The following PPP4R4 variants were observed in gnomAD, a reference collection of about 807,000 sequenced individuals.
The protein encoded by PPP4R4 is serine/threonine-protein phosphatase 4 regulatory subunit 4.
PPP4R4 carries 70 observed loss-of-function variants against 121.8 expected under a neutral mutation model. The observed-to-expected ratio is 0.57, with a 90% CI of 0.47 to 0.70. PPP4R4 has a LOEUF of 0.70. Among genes scored for constraint, PPP4R4 ranks in the 30% least tolerant of loss-of-function variants. PPP4R4 has a pLI of 0.00. For synonymous variants in PPP4R4, 348 were observed against 355.7 expected, an observed-to-expected ratio of 0.98 and a Z score of 0.24; for missense variants, 875 against 1,033.6, an observed-to-expected ratio of 0.85 and a Z score of 2.10.
At position 94,230,732 on chromosome 14, in the gene PPP4R4, C is replaced by T. The variant is rs1343543709; in HGVS notation, c.440C>T (p.Thr147Ile). The T allele has an allele frequency of 2.5e-6, 4 of 1,612,188 alleles. No homozygotes were observed. In the Admixed American group the frequency reaches 5.0e-5, roughly 20 times the overall value. Residue 147 changes from threonine (T) to isoleucine (I), a missense_variant and splice_region_variant, in exon 4 of 25, where the codon ACA (threonine) becomes ATA (isoleucine). By Grantham distance (89) the Thr-to-Ile change is moderately conservative (BLOSUM62 -1). Coordinates refer to ENST00000304338, the MANE Select transcript of PPP4R4 (RefSeq NM_058237.2). Reference sequence around the variant, plus strand: ...CTCCTGCATCTGGAGCACAGGGACACAGGTCAGGGGCCTGGCATGCTTAAT... The same window carrying T: ...CTCCTGCATCTGGAGCACAGGGACATAGGTCAGGGGCCTGGCATGCTTAAT... ...VILLHLEHRD[T>I]GVSNAWLETL...
intron 19 of PPP4R4, among the ~76,000 whole-genome samples, chr14:94,259,597 A>G (rs1893666024): frequency 6.6e-6 from 1 of 152,218 alleles, no homozygotes; most frequent in Admixed American, 6.5e-5. Flanking sequence ...ACAACTACAT[A>G]TATTTAAAGT....
At chr14:94,221,817 T>C (rs1274271751) in intron 3 of PPP4R4, among the ~76,000 whole-genome samples, 1 of 151,954 alleles carries the variant, frequency 6.6e-6, no homozygotes, top group Non-Finnish European at 1.5e-5. Flanking sequence ...TAAATATACA[T>C]CTACTATATT....
chr14:94,272,128 CCAA>C (rs1391395865), intron 23 of PPP4R4, among the ~76,000 whole-genome samples: 1 of 152,132 alleles, frequency 6.6e-6, no homozygotes, highest in Admixed American at 6.5e-5. Flanking sequence ...AGTCAAAATC[CCAA>C]CAAGTTATTT....
intron 7 of PPP4R4, 82 bp downstream of exon 7, chr14:94,234,751 T>C (rs1892237342): frequency 5.2e-6 from 5 of 968,354 alleles, no homozygotes; most frequent in Admixed American, 2.0e-5. Context: ...AAAATGATCA[T>C]AACAAGTACC....
intron 23 of PPP4R4, among the ~76,000 whole-genome samples, chr14:94,269,532 T>G (rs914564542): frequency 6.6e-6 from 1 of 151,062 alleles, no homozygotes; most frequent in Non-Finnish European, 1.5e-5. Flanking sequence ...AAAAAAAAAT[T>G]TAGTCGGGCG....
In PPP4R4 at chr14:94,244,624, C is replaced by T. The variant is rs748588910; in HGVS notation, c.1267-11C>T. 1.4e-6 allele frequency: 2 copies of T among 1,476,800 alleles called. No homozygotes were observed. The highest frequency in any genetic ancestry group is 2.1e-5 in the Admixed American group (1 of 47,554). 91.5% of individuals were successfully genotyped at this position (1,476,800 alleles called of 1,614,324 possible). A position where few individuals can be genotyped will look rare whatever the true frequency, so the allele number is the denominator to read the frequency against. The stretch of plus-strand genomic sequence containing the variant: ...CTCTCAAATCTGAGAGACTTTATTG[C>T]TATATTTTAGGTATCTAAGCTTCTG... On this transcript the variant is annotated splice_polypyrimidine_tract_variant and intron_variant, in intron 11 of 24. Coordinates refer to ENST00000304338, the MANE Select transcript of PPP4R4 (RefSeq NM_058237.2).
Position 94,263,263 on chromosome 14 carries a change from G to T in PPP4R4, c.2128-1615G>T, listed in dbSNP as rs944300467. On this transcript the variant is annotated intron_variant, in intron 19 of 24. Transcript: ENST00000304338. ...TCACCAGTTGCACATATATTAGATCGTTTATTATTGTCCGTAGGCCAAGAG... is the reference window on the plus strand; with the variant it reads ...TCACCAGTTGCACATATATTAGATCTTTTATTATTGTCCGTAGGCCAAGAG... 7.3e-5 allele frequency among the ~76,000 whole-genome samples: 11 copies of T among 151,680 alleles called. 1 individual carries two copies. The highest frequency in any genetic ancestry group is 6.6e-4 in the Admixed American group (10 of 15,230).
chr14:94,184,023 T>A (rs1219314043), intron 2 of PPP4R4, among the ~76,000 whole-genome samples: 1 of 152,206 alleles, frequency 6.6e-6, no homozygotes, highest in African/African-American at 2.4e-5. Flanking sequence ...TGTGTGTGTA[T>A]ATGTTTATTT....
At chr14:94,243,036 T>C (rs1892713979) in intron 11 of PPP4R4, among the ~76,000 whole-genome samples, 1 of 152,176 alleles carries the variant, frequency 6.6e-6, no homozygotes, top group African/African-American at 2.4e-5. Flanking sequence ...TAAAAGCCTC[T>C]GGATAAGTGG....
intron 2 of PPP4R4, among the ~76,000 whole-genome samples, chr14:94,200,798 C>CTTTTTTTTTTTTT (rs1567111399): frequency 1.8e-5 from 2 of 108,114 alleles, no homozygotes; most frequent in Non-Finnish European, 2.4e-5. Flanking sequence ...TTTCACTTAT[C>CTTTTTTTTTTTTT]TTTTGTATTT....
intron 5 of PPP4R4, among the ~76,000 whole-genome samples, chr14:94,232,785 G>A (rs1237189428): frequency 5.3e-5 from 8 of 152,062 alleles, no homozygotes; most frequent in Admixed American, 6.6e-5. Context: ...TGGGCTGGGC[G>A]CGGTGGCTCA....
At chr14:94,273,746 G>A (rs1399559153) in intron 23 of PPP4R4, among the ~76,000 whole-genome samples, 1 of 152,014 alleles carries the variant, frequency 6.6e-6, no homozygotes, top group Non-Finnish European at 1.5e-5. Flanking sequence ...CAATTGTGCT[G>A]TAAACTTAAA....
At chr14:94,264,836 C>G in intron 19 of PPP4R4, 42 bp from the exon 20 acceptor site, 1 of 1,425,244 alleles carries the variant, frequency 7.0e-7, no homozygotes, top group Non-Finnish European at 9.7e-7. Context: ...TCTAGACCTA[C>G]TTCAGTTGTA....
chr14:94,243,890 ATAACACTT>A (rs1422790967), intron 11 of PPP4R4, among the ~76,000 whole-genome samples: 1 of 152,106 alleles, frequency 6.6e-6, no homozygotes, highest in Non-Finnish European at 1.5e-5. Context: ...TTTCAGAATA[ATAACACTT>A]TGGAAATATT....
In PPP4R4 at chr14:94,208,368, A is replaced by G. The variant is rs1595474395; in HGVS notation, c.192-96A>G. On this transcript the variant is annotated intron_variant, in intron 2 of 24. Transcript: ENST00000304338. ...TAGAAGTCTGAGTGCTTAACATTCA[A>G]AGCAGTCATTTTTCCAATTAGTCCA... is the stretch of plus-strand genomic sequence containing the variant. The G allele has an allele frequency of 8.6e-6, 7 of 811,052 alleles. No individual in the cohort carries two copies. In the East Asian group the frequency reaches 2.1e-4, roughly 24 times the overall value. 50.2% of individuals were successfully genotyped at this position (811,052 alleles called of 1,614,324 possible). A position where few individuals can be genotyped will look rare whatever the true frequency, so the allele number is the denominator to read the frequency against.
Position 94,196,625 on chromosome 14 carries a change from T to A in PPP4R4, c.192-11839T>A, listed in dbSNP as rs1199185279. On this transcript the variant is annotated intron_variant, in intron 2 of 24. Coordinates refer to ENST00000304338, the MANE Select transcript of PPP4R4 (RefSeq NM_058237.2). ...CACTGTGCCTGGCCTCAAATCTTTT[T>A]TATTTAAAAATTTTTCTTCTTTTCA... 4.6e-5 allele frequency among the ~76,000 whole-genome samples: 7 copies of A among 152,232 alleles called. No individual in the cohort carries two copies. In the East Asian group the frequency reaches 1.3e-3, roughly 29 times the overall value.
chr14:94,187,439 A>G (rs541309094), intron 2 of PPP4R4, among the ~76,000 whole-genome samples: 2 of 152,336 alleles, frequency 1.3e-5, no homozygotes, highest in East Asian at 3.9e-4. Flanking sequence ...AAATTTCAGA[A>G]TAATTTTAAA....
chr14:94,174,726 A>C (rs1595437319), intron 1 of PPP4R4, 144 bp downstream of exon 1: 8 of 1,338,534 alleles, frequency 6.0e-6, no homozygotes, highest in South Asian at 1.6e-5. Context: ...CTCCTCCTCC[A>C]CCCCTCTTGC....
chr14:94,227,253 A>T (rs1356816565), intron 3 of PPP4R4: 7 of 1,540,734 alleles, frequency 4.5e-6, no homozygotes, highest in Non-Finnish European at 3.6e-6. Flanking sequence ...GCACTTAAGC[A>T]ATAGAGGAAT....
Sources: gnomAD v4.1 joint callset for allele counts (sites outside exome capture counted in the v4.1 genomes callset) on GRCh38, gnomAD v4.1.1 for gene constraint, MANE v1.5 for transcripts, NCBI Gene and HGNC (gene_info 2026-07-23, HGNC 2026-07-21) for gene names.